The following CSDC2 variants were observed in gnomAD, a reference collection of about 807,000 sequenced individuals.
CSDC2 encodes cold shock domain-containing protein C2.
CSDC2 carries 8 observed loss-of-function variants against 15.8 expected under a neutral mutation model. The ratio of observed to expected loss-of-function variants is 0.51; its 90% CI spans 0.30 to 0.92. The LOEUF is 0.92. Among genes scored for constraint, CSDC2 ranks in the 40% least tolerant of loss-of-function variants. The pLI, the probability that CSDC2 is intolerant of heterozygous loss-of-function variation, is 0.07. For synonymous variants in CSDC2, 96 were observed against 92.3 expected, an observed-to-expected ratio of 1.04 and a Z score of -0.23; for missense variants, 195 against 213.3, an observed-to-expected ratio of 0.91 and a Z score of 0.53.
At chr22:41,563,891 G>C (rs916469356) in intron 1 of CSDC2, among the ~76,000 whole-genome samples, 81 of 149,260 alleles carry the variant, frequency 5.4e-4, no homozygotes, top group African/African-American at 1.9e-3. Flanking sequence ...CTAACACGGT[G>C]AAACCCCGTC....
intron 1 of CSDC2, among the ~76,000 whole-genome samples, chr22:41,567,028 C>T (rs1044341852): frequency 2.0e-5 from 3 of 152,100 alleles, no homozygotes; most frequent in African/African-American, 7.2e-5. Context: ...TACCTGACTG[C>T]TCGTTCTGAA....
intron 1 of CSDC2, among the ~76,000 whole-genome samples, chr22:41,569,157 C>T (rs550732455): frequency 9.2e-5 from 14 of 152,376 alleles, no homozygotes; most frequent in Non-Finnish European, 1.6e-4. Flanking sequence ...TGCCAACCCT[C>T]ACCCAGGTGG....
chr22:41,570,314 C>A (rs965396186), intron 1 of CSDC2, among the ~76,000 whole-genome samples: 6 of 152,160 alleles, frequency 3.9e-5, no homozygotes, highest in African/African-American at 1.4e-4. Context: ...TCCACCTCCA[C>A]CCCTAGGCAT....
intron 1 of CSDC2, 96 bp from the exon 2 acceptor site, chr22:41,571,747 G>C (rs2067146062): frequency 5.1e-6 from 2 of 392,100 alleles, no homozygotes; most frequent in Admixed American, 4.4e-5. Context: ...AACGCCGTGA[G>C]GATAGCAGGT....
At chr22:41,565,876 C>T (rs1426522006) in intron 1 of CSDC2, among the ~76,000 whole-genome samples, 1 of 152,178 alleles carries the variant, frequency 6.6e-6, no homozygotes, top group Non-Finnish European at 1.5e-5. Flanking sequence ...GGCTCAGAGC[C>T]CAAACTCAGG....
At chr22:41,563,944 C>T (rs1049013129) in intron 1 of CSDC2, among the ~76,000 whole-genome samples, 27 of 150,762 alleles carry the variant, frequency 1.8e-4, no homozygotes, top group African/African-American at 4.6e-4. Flanking sequence ...ATTAACCGAG[C>T]GTGGTGGCGG....
chr22:41,562,852 G>T (rs1183271448), intron 1 of CSDC2, among the ~76,000 whole-genome samples: 1 of 152,198 alleles, frequency 6.6e-6, no homozygotes, highest in African/African-American at 2.4e-5. Context: ...ACACCAGAAA[G>T]CTGTGGGGTC....
At chr22:41,573,849 C>T (rs1293038556) in intron 3 of CSDC2, 72 bp downstream of exon 3, 3 of 1,532,722 alleles carry the variant, frequency 2.0e-6, no homozygotes, top group Non-Finnish European at 2.7e-6. Context: ...AAATGGCTCT[C>T]CAGGCCTCTC....
chr22:41,572,083 G>A lies in CSDC2; in HGVS notation c.118G>A (p.Val40Ile). Residue 40 changes from valine (V) to isoleucine (I), a missense_variant, in exon 2 of 4, where the codon GTC becomes ATC. Physicochemically the swap from Val to Ile is conservative, Grantham distance 29. Coordinates refer to ENST00000306149, the MANE Select transcript of CSDC2 (RefSeq NM_014460.4). ...CAGCAGGGTCTGGGAGCGGGGTGGT[G>A]TCCCACCTCGGGACCTACCCAGCCC... The part of the protein sequence containing the change: ...EGSRVWERGG[V>I]PPRDLPSPLP... 7.3e-7 allele frequency: 1 copy of A among 1,361,600 alleles called. No individual in the cohort carries two copies. The highest frequency in any genetic ancestry group is 9.5e-7 in the Non-Finnish European group (1 of 1,053,008). 84.3% of individuals were successfully genotyped at this position (1,361,600 alleles called of 1,614,324 possible). A position where few individuals can be genotyped will look rare whatever the true frequency, so the allele number is the denominator to read the frequency against.
rs760462831 is a variant in CSDC2 at position 41,573,735 on chromosome 22, C to T, written c.257C>T (p.Thr86Ile). The T allele has an allele frequency of 2.5e-6, 4 of 1,613,740 alleles. No homozygotes were observed. The highest frequency in any genetic ancestry group is 2.2e-5 in the South Asian group (2 of 91,074). The change falls in exon 3 of 4, where the codon ACC becomes ATC. Residue 86 changes from threonine to isoleucine, a missense_variant. Transcript: ENST00000306149. The part of the protein sequence containing the change: ...FSRSQGHGFI[T>I]PENGSEDIFV... ...CGCTCACAGGGCCATGGCTTCATCACCCCCGAGAACGGGTCCGAGGACATC... is the reference window on the plus strand; with the variant it reads ...CGCTCACAGGGCCATGGCTTCATCATCCCCGAGAACGGGTCCGAGGACATC...
intron 1 of CSDC2, among the ~76,000 whole-genome samples, chr22:41,569,024 A>G (rs2067131315): frequency 6.6e-6 from 1 of 152,010 alleles, no homozygotes; most frequent in Admixed American, 6.5e-5. Context: ...CTGCCCCTCC[A>G]TGGCCTCCCA....
intron 2 of CSDC2, among the ~76,000 whole-genome samples, chr22:41,572,367 C>CCCATCCACCCACCCACCCACCCACCCAT (rs2067150106): frequency 1.4e-5 from 1 of 72,130 alleles, no homozygotes; most frequent in Non-Finnish European, 2.8e-5. Flanking sequence ...CACCCACCCA[C>CCCATCCACCCACCCACCCACCCACCCAT]CCACCCACCC....
In CSDC2 at chr22:41,574,790, T is replaced by C; in HGVS notation, c.357T>C (p.Pro119=). The C allele has an allele frequency of 2.5e-6, 4 of 1,613,848 alleles. No homozygotes were observed. The highest frequency in any genetic ancestry group is 3.4e-6 in the Non-Finnish European group (4 of 1,180,014). ...ACGAGGTGACCTACAAGATGTGCCCTATCCCTCCCAAGAACCAGAAGTTCC... is the reference window on the plus strand; with the variant it reads ...ACGAGGTGACCTACAAGATGTGCCCCATCCCTCCCAAGAACCAGAAGTTCC... ...EGDEVTYKMC[P]IPPKNQKFQA... The change falls in exon 4 of 4, where the codon CCT becomes CCC. Residue 119 remains proline, a synonymous_variant. Coordinates refer to ENST00000306149, the MANE Select transcript of CSDC2 (RefSeq NM_014460.4).
At chr22:41,565,120 C>T (rs900716770) in intron 1 of CSDC2, among the ~76,000 whole-genome samples, 4 of 150,722 alleles carry the variant, frequency 2.7e-5, no homozygotes, top group Non-Finnish European at 5.9e-5. Flanking sequence ...GAGCCGAGAT[C>T]GCGCCACTGG....
At chr22:41,570,821 CAA>C (rs34010467) in intron 1 of CSDC2, among the ~76,000 whole-genome samples, 22,563 of 89,368 alleles carry the variant, frequency 0.25, 2,218 homozygotes, top group Admixed American at 0.42. Context: ...GACTCTGTCT[CAA>C]AAAAAAAAAA....
rs766143476 is a variant in CSDC2 at position 41,573,745 on chromosome 22, C to T, written c.267C>T (p.Asn89=). 7.4e-6 allele frequency: 12 copies of T among 1,613,842 alleles called. No homozygotes were observed. Among genetic ancestry groups the T allele is most frequent in the East Asian group, 4.5e-5 (2 of 44,872 alleles). ...SQGHGFITPE[N]GSEDIFVHVS... Reference sequence around the variant, plus strand: ...GCCATGGCTTCATCACCCCCGAGAACGGGTCCGAGGACATCTTCGTACATG... The same window carrying T: ...GCCATGGCTTCATCACCCCCGAGAATGGGTCCGAGGACATCTTCGTACATG... The change falls in exon 3 of 4, where the codon AAC becomes AAT. Residue 89 remains asparagine (N), a synonymous_variant. Transcript: ENST00000306149.
intron 2 of CSDC2, among the ~76,000 whole-genome samples, 194 bp downstream of exon 2, chr22:41,572,335 TCCATCCATCCACCCACCCACCCAC>T: frequency 4.0e-5 from 4 of 100,644 alleles, no homozygotes; most frequent in East Asian, 2.6e-4. Context: ...CATCCATCCA[TCCATCCATCCACCCACCCACCCAC>T]CCACCCACCC....
At chr22:41,562,058 C>T (rs368493385) in intron 1 of CSDC2, among the ~76,000 whole-genome samples, 1 of 152,104 alleles carries the variant, frequency 6.6e-6, no homozygotes, top group Non-Finnish European at 1.5e-5. Flanking sequence ...GGACACAGAG[C>T]GAGAACAATA....
At chr22:41,563,443 C>T (rs921543266) in intron 1 of CSDC2, among the ~76,000 whole-genome samples, 1 of 152,154 alleles carries the variant, frequency 6.6e-6, no homozygotes, top group Non-Finnish European at 1.5e-5. Flanking sequence ...AACCACCGTA[C>T]CCATTCCTCC....
Sources: allele counts gnomAD v4.1 joint callset (sites outside exome capture counted in the v4.1 genomes callset), GRCh38; gene constraint gnomAD v4.1.1; transcripts MANE v1.5; gene names NCBI Gene and HGNC (gene_info 2026-07-23, HGNC 2026-07-21).